The following CSNK2A2IP variants were observed in gnomAD, a reference collection of about 807,000 sequenced individuals.
CSNK2A2IP encodes casein kinase II subunit alpha'-interacting protein.
chr3:88,400,886 T>C, the CSNK2A2IP span, among the ~76,000 whole-genome samples: 2 of 152,168 alleles, frequency 1.3e-5, no homozygotes, highest in Non-Finnish European at 2.9e-5. Context: ...GATAGTATGG[T>C]TCATGATGCA....
At chr3:88,459,789 C>G in the CSNK2A2IP span, among the ~76,000 whole-genome samples, 412 of 152,198 alleles carry the variant, frequency 2.7e-3, 1 homozygote, top group African/African-American at 9.2e-3. Flanking sequence ...GTGTTTAAAA[C>G]ATCTATTAAG....
chr3:88,438,513 T>C, the CSNK2A2IP span, among the ~76,000 whole-genome samples: 1 of 152,110 alleles, frequency 6.6e-6, no homozygotes, highest in African/African-American at 2.4e-5. Flanking sequence ...CTAAAAAAAT[T>C]TTCTGACCTA....
chr3:88,457,079 C>T, the CSNK2A2IP span, among the ~76,000 whole-genome samples: 2 of 151,934 alleles, frequency 1.3e-5, no homozygotes, highest in Non-Finnish European at 2.9e-5. Context: ...TAGCATTTTA[C>T]CATTCTTTTT....
At chr3:88,369,316 T>TTG in the CSNK2A2IP span, among the ~76,000 whole-genome samples, 39 of 150,808 alleles carry the variant, frequency 2.6e-4, no homozygotes, top group South Asian at 2.3e-3. Flanking sequence ...ATTTGCAAGT[T>TTG]TGTGTGTGTG....
the CSNK2A2IP span, among the ~76,000 whole-genome samples, chr3:88,462,116 T>TAC: frequency 2.6e-5 from 1 of 38,538 alleles, no homozygotes; most frequent in South Asian, 9.8e-4. Context: ...GTTTTTTTCA[T>TAC]ATATATATAT....
the CSNK2A2IP span, among the ~76,000 whole-genome samples, chr3:88,447,313 T>C: frequency 6.6e-6 from 1 of 152,170 alleles, no homozygotes; most frequent in Non-Finnish European, 1.5e-5. Context: ...ACAAATATTC[T>C]AGAGCAAGTG....
the CSNK2A2IP span, among the ~76,000 whole-genome samples, chr3:88,341,578 A>T: frequency 1.3e-5 from 2 of 151,304 alleles, no homozygotes; most frequent in African/African-American, 4.8e-5. Context: ...TATTTCATGG[A>T]TACTCAATAA....
chr3:88,391,667 C>T, the CSNK2A2IP span, among the ~76,000 whole-genome samples: 2 of 152,040 alleles, frequency 1.3e-5, no homozygotes, highest in African/African-American at 4.8e-5. Flanking sequence ...GGGCCAAGAA[C>T]CAGAGGCAAG....
At chr3:88,417,381 T>C in the CSNK2A2IP span, among the ~76,000 whole-genome samples, 1 of 152,156 alleles carries the variant, frequency 6.6e-6, no homozygotes, top group Admixed American at 6.5e-5. Flanking sequence ...AACCCAAATA[T>C]TTAATTACCT....
the CSNK2A2IP span, among the ~76,000 whole-genome samples, chr3:88,450,503 T>TA: frequency 0.3 from 45,035 of 151,884 alleles, 7,448 homozygotes; most frequent in East Asian, 0.48. Context: ...TTGACCTTTT[T>TA]AAAAAAACAT....
At chr3:88,386,334 C>T in the CSNK2A2IP span, among the ~76,000 whole-genome samples, 50 of 152,116 alleles carry the variant, frequency 3.3e-4, no homozygotes, top group African/African-American at 1.1e-3. Flanking sequence ...CCATGTTGGC[C>T]GGGCCAGTCT....
At chr3:88,457,832 G>A in the CSNK2A2IP span, among the ~76,000 whole-genome samples, 1 of 151,680 alleles carries the variant, frequency 6.6e-6, no homozygotes, top group South Asian at 2.1e-4. Flanking sequence ...TGTAGAATTG[G>A]CATTATTTCT....
chr3:88,383,812 C>T, the CSNK2A2IP span, among the ~76,000 whole-genome samples: 23 of 151,972 alleles, frequency 1.5e-4, no homozygotes, highest in South Asian at 3.1e-3. Flanking sequence ...TACAGGTGCC[C>T]GCCACCACGC....
chr3:88,365,768 G>A, the CSNK2A2IP span, among the ~76,000 whole-genome samples: 1 of 152,078 alleles, frequency 6.6e-6, no homozygotes, highest in Non-Finnish European at 1.5e-5. Context: ...TGTAACAGAG[G>A]AATGTACGAG....
At chr3:88,449,490 A>G in the CSNK2A2IP span, among the ~76,000 whole-genome samples, 1 of 151,752 alleles carries the variant, frequency 6.6e-6, no homozygotes, top group South Asian at 2.1e-4. Context: ...TTTCTTTCTC[A>G]TAGGTTTTAG....
the CSNK2A2IP span, among the ~76,000 whole-genome samples, chr3:88,371,092 C>T: frequency 6.6e-6 from 1 of 151,668 alleles, no homozygotes; most frequent in East Asian, 1.9e-4. Flanking sequence ...TTGGTTATGG[C>T]AGCCTGAGCA....
At chr3:88,442,409 A>G in the CSNK2A2IP span, among the ~76,000 whole-genome samples, 4 of 152,228 alleles carry the variant, frequency 2.6e-5, no homozygotes, top group South Asian at 8.3e-4. Context: ...TAACTAAGGG[A>G]TGCCAATATA....
At chr3:88,463,108 G>A in the CSNK2A2IP span, among the ~76,000 whole-genome samples, 1 of 152,156 alleles carries the variant, frequency 6.6e-6, no homozygotes, top group African/African-American at 2.4e-5. Flanking sequence ...GGGTAAGTTG[G>A]CATGTATAAG....
At chr3:88,417,471 T>C in the CSNK2A2IP span, among the ~76,000 whole-genome samples, 1 of 152,194 alleles carries the variant, frequency 6.6e-6, no homozygotes, top group Non-Finnish European at 1.5e-5. Context: ...TCAGTGTGTC[T>C]GGAGAATGAA....
Sources: allele counts gnomAD v4.1 joint callset (sites outside exome capture counted in the v4.1 genomes callset), GRCh38; gene constraint gnomAD v4.1.1; transcripts MANE v1.5; gene names NCBI Gene and HGNC (gene_info 2026-07-23, HGNC 2026-07-21).